CORO2B: variants seen among roughly 807,000 people sequenced by gnomAD.
CORO2B encodes the protein coronin-2B.
Under a neutral mutation model 58.8 loss-of-function variants are expected in CORO2B, and 26 were observed. The ratio of observed to expected loss-of-function variants is 0.44; its 90% CI spans 0.32 to 0.61. CORO2B has a LOEUF of 0.61. Ranked by LOEUF, CORO2B falls within the 20% of genes least tolerant of loss-of-function variation. The pLI, the probability that CORO2B is intolerant of heterozygous loss-of-function variation, is 0.04. For synonymous variants in CORO2B, 242 were observed against 253.8 expected (o/e 0.95, Z 0.44); for missense variants, 460 against 645.1 (o/e 0.71, Z 3.11).
intron 8 of CORO2B, among the ~76,000 whole-genome samples, chr15:68,717,329 T>G (rs1277490547): frequency 6.7e-6 from 1 of 149,832 alleles, no homozygotes; most frequent in East Asian, 2.0e-4. Context: ...AAAAAAAAGA[T>G]TTCTCTGGCT....
intron 2 of CORO2B, among the ~76,000 whole-genome samples, chr15:68,647,595 A>G (rs911764415): frequency 1.3e-5 from 2 of 151,446 alleles, no homozygotes; most frequent in Middle Eastern, 3.2e-3. Flanking sequence ...AGGCTGAGGC[A>G]GGGGAATCGC....
chr15:68,659,983 T>C (rs975329350), intron 2 of CORO2B, among the ~76,000 whole-genome samples: 1 of 152,068 alleles, frequency 6.6e-6, no homozygotes, highest in African/African-American at 2.4e-5. Context: ...AGAAGAGGGG[T>C]TGGCATTGCT....
At chr15:68,580,217 A>G (rs1899392031) in intron 1 of CORO2B, among the ~76,000 whole-genome samples, 1 of 152,236 alleles carries the variant, frequency 6.6e-6, no homozygotes, top group South Asian at 2.1e-4. Flanking sequence ...CACACTCTTC[A>G]GAGAGATCTG....
the CORO2B span, among the ~76,000 whole-genome samples, chr15:68,545,615 G>C: frequency 6.6e-6 from 1 of 151,584 alleles, no homozygotes; most frequent in Non-Finnish European, 1.5e-5. Flanking sequence ...CGGGGGGCGG[G>C]GGGGGTAATA....
intron 2 of CORO2B, among the ~76,000 whole-genome samples, chr15:68,668,439 A>G (rs925964582): frequency 1.3e-5 from 2 of 152,232 alleles, no homozygotes; most frequent in Admixed American, 6.5e-5. Flanking sequence ...GGGTGCTGTG[A>G]AGAAATCCAA....
chr15:68,553,416 G>A, the CORO2B span, among the ~76,000 whole-genome samples: 1 of 152,148 alleles, frequency 6.6e-6, no homozygotes, highest in African/African-American at 2.4e-5. Context: ...TGATGGAAGT[G>A]AAGGGCTGGA....
At chr15:68,545,137 G>C in the CORO2B span, among the ~76,000 whole-genome samples, 2 of 152,162 alleles carry the variant, frequency 1.3e-5, no homozygotes, top group African/African-American at 4.8e-5. Context: ...CCACATGAAG[G>C]CTGCAGGGCA....
chr15:68,531,929 G>C, the CORO2B span, among the ~76,000 whole-genome samples: 1 of 151,642 alleles, frequency 6.6e-6, no homozygotes. Context: ...TATTTTTACT[G>C]AATATAGAAT....
At chr15:68,533,987 C>T in the CORO2B span, among the ~76,000 whole-genome samples, 1 of 152,170 alleles carries the variant, frequency 6.6e-6, no homozygotes, top group Non-Finnish European at 1.5e-5. Flanking sequence ...TAAACTCTCC[C>T]TGACCCCTGG....
intron 2 of CORO2B, among the ~76,000 whole-genome samples, chr15:68,660,212 C>T (rs566978915): frequency 6.6e-6 from 1 of 152,270 alleles, no homozygotes; most frequent in East Asian, 1.9e-4. Context: ...AATAATTGGA[C>T]CCTTCTGCCA....
At chr15:68,571,807 T>C in the CORO2B span, among the ~76,000 whole-genome samples, 11 of 152,230 alleles carry the variant, frequency 7.2e-5, no homozygotes, top group Middle Eastern at 3.2e-3. Context: ...AACCAAAGCC[T>C]GCTCTTTACA....
chr15:68,692,673 G>A (rs749886601), intron 2 of CORO2B, among the ~76,000 whole-genome samples: 12 of 143,560 alleles, frequency 8.4e-5, no homozygotes, highest in South Asian at 2.4e-4. Context: ...TCACTCTGTC[G>A]CCCAGACTGG....
intron 11 of CORO2B, among the ~76,000 whole-genome samples, chr15:68,721,734 G>A (rs988242303): frequency 2.5e-5 from 2 of 80,296 alleles, no homozygotes; most frequent in African/African-American, 3.4e-5. Flanking sequence ...AAATTTTTAA[G>A]TGTTTTCTTG....
chr15:68,539,139 GAGCTGGGCTCTAGAGA>G, the CORO2B span, among the ~76,000 whole-genome samples: 1 of 152,206 alleles, frequency 6.6e-6, no homozygotes, highest in Non-Finnish European at 1.5e-5. Context: ...CAAGACAGCA[GAGCTGGGCTCTAGAGA>G]AGCCACAAGC....
intron 7 of CORO2B, 50 bp downstream of exon 7, chr15:68,714,713 C>A (rs779692224): frequency 1.5e-6 from 2 of 1,357,460 alleles, no homozygotes; most frequent in African/African-American, 2.9e-5. Flanking sequence ...AGAGCCCTAC[C>A]CTCAATGCAC....
At chr15:68,526,979 C>T in the CORO2B span, among the ~76,000 whole-genome samples, 1 of 152,034 alleles carries the variant, frequency 6.6e-6, no homozygotes, top group East Asian at 1.9e-4. Context: ...GATTGATTTC[C>T]TTACAAAAAG....
At chr15:68,636,391 T>C (rs1046898109) in intron 1 of CORO2B, among the ~76,000 whole-genome samples, 3 of 152,218 alleles carry the variant, frequency 2.0e-5, no homozygotes, top group African/African-American at 7.2e-5. Flanking sequence ...TGGTATAGAA[T>C]AGACCGTGTC....
In CORO2B at chr15:68,650,392, A is replaced by G. The variant is rs868620818; in HGVS notation, c.216+5032A>G. 3.1e-3 allele frequency among the ~76,000 whole-genome samples: 231 copies of G among 75,274 alleles called. 11 individuals are homozygous for G. Among genetic ancestry groups the G allele is most frequent in the Middle Eastern group, 0.025 (3 of 118 alleles). The allele number at this position is 75,274 out of a possible 152,430, so 49.4% of individuals were successfully genotyped here. ...AAAAAAAAAAAAAAAAAAAAAAAAAAAAAAAAAAAAAAAATGGAGACATTC... is the reference window on the plus strand; with the variant it reads ...AAAAAAAAAAAAAAAAAAAAAAAAAGAAAAAAAAAAAAAATGGAGACATTC... On this transcript the variant is annotated intron_variant, in intron 2 of 11. Transcript: ENST00000261861.
At chr15:68,622,919 G>A (rs564445776) in intron 1 of CORO2B, among the ~76,000 whole-genome samples, 1 of 152,296 alleles carries the variant, frequency 6.6e-6, no homozygotes, top group Admixed American at 6.5e-5. Flanking sequence ...TACTTAGCAC[G>A]TGTCTGGTGC....
Sources: allele counts gnomAD v4.1 joint callset (sites outside exome capture counted in the v4.1 genomes callset), GRCh38; gene constraint gnomAD v4.1.1; transcripts MANE v1.5; gene names NCBI Gene and HGNC (gene_info 2026-07-23, HGNC 2026-07-21).